The following DPP10 variants were observed in gnomAD, a reference collection of about 807,000 sequenced individuals.
DPP10 encodes the protein inactive dipeptidyl peptidase 10.
DPP10 carries 33 observed loss-of-function variants against 120.9 expected under a neutral mutation model. The ratio of observed to expected loss-of-function variants is 0.27; its 90% CI spans 0.21 to 0.37. The LOEUF (loss-of-function observed/expected upper bound fraction) is 0.37. Among genes scored for constraint, DPP10 ranks in the 10% least tolerant of loss-of-function variants. The probability of loss-of-function intolerance (pLI) is 1.00; values close to 1 mark genes in which losing one functional copy is unlikely to be tolerated. For missense variants in DPP10, 816 were observed against 942.8 expected, an observed-to-expected ratio of 0.87 and a Z score of 1.76; for synonymous variants, 337 against 326.1, an observed-to-expected ratio of 1.03 and a Z score of -0.36.
rs1403448256 is a variant in DPP10, at chr2:115,358,185, C to T, written c.271+14273C>T. The stretch of plus-strand genomic sequence containing the variant: ...AATGGGTTTTTCTTTTCTATCATAT[C>T]ATCAGGCTACAAATTCCCAGGCTTT... On this transcript the variant is annotated intron_variant, in intron 3 of 25. Transcript: ENST00000410059. Among the ~76,000 whole-genome samples the T allele has an allele frequency of 2.0e-5, 3 of 152,124 alleles. No homozygotes were observed. The East Asian group carries it at 5.8e-4, about 29-fold the overall frequency.
chr2:115,411,400 C>T (rs1366299473), intron 3 of DPP10, among the ~76,000 whole-genome samples: 2 of 113,340 alleles, frequency 1.8e-5, no homozygotes, highest in African/African-American at 5.3e-5. Flanking sequence ...GATGGCTGCT[C>T]AAAATTGTAG....
At chr2:115,294,619 A>G (rs1030703077) in intron 1 of DPP10, among the ~76,000 whole-genome samples, 1 of 152,110 alleles carries the variant, frequency 6.6e-6, no homozygotes. Context: ...CTAGAACAAA[A>G]TGAAAAATGA....
At chr2:115,603,150 G>GTA in intron 5 of DPP10, among the ~76,000 whole-genome samples, 1 of 149,394 alleles carries the variant, frequency 6.7e-6, no homozygotes, top group South Asian at 2.1e-4. Flanking sequence ...GTGTGTGTGT[G>GTA]TGTGTGTGTG....
chr2:115,054,138 A>G (rs1179303503), intron 1 of DPP10, among the ~76,000 whole-genome samples: 1 of 152,192 alleles, frequency 6.6e-6, no homozygotes, highest in East Asian at 1.9e-4. Context: ...ATATTATACT[A>G]AGACTTGAAT....
At chr2:115,573,023 A>C (rs1355607203) in intron 5 of DPP10, among the ~76,000 whole-genome samples, 1 of 152,176 alleles carries the variant, frequency 6.6e-6, no homozygotes, top group Non-Finnish European at 1.5e-5. Context: ...GAAAAGGAAC[A>C]AACTCCAAAC....
chr2:114,650,313 A>G (rs1408369560), intron 1 of DPP10, among the ~76,000 whole-genome samples: 1 of 152,178 alleles, frequency 6.6e-6, no homozygotes, highest in Non-Finnish European at 1.5e-5. Context: ...AAGGGCAGGG[A>G]TGCCTGTTTT....
intron 1 of DPP10, among the ~76,000 whole-genome samples, chr2:114,815,667 G>A (rs749980469): frequency 5.3e-5 from 8 of 152,108 alleles, no homozygotes; most frequent in African/African-American, 1.4e-4. Flanking sequence ...CGTAGAAGAC[G>A]CATTCAGGGA....
intron 1 of DPP10, among the ~76,000 whole-genome samples, chr2:114,614,690 A>T (rs1472124521): frequency 6.6e-6 from 1 of 152,140 alleles, no homozygotes; most frequent in African/African-American, 2.4e-5. Context: ...ATACTCCGGG[A>T]AGTTCCAATA....
intron 3 of DPP10, among the ~76,000 whole-genome samples, chr2:115,356,880 C>T (rs560641178): frequency 6.6e-6 from 1 of 152,142 alleles, no homozygotes; most frequent in African/African-American, 2.4e-5. Flanking sequence ...TGGGTATATA[C>T]CAAGTAATGG....
chr2:114,682,754 ATCTATCTATCTGTCTG>A (rs1309699594), intron 1 of DPP10, among the ~76,000 whole-genome samples: 4 of 144,866 alleles, frequency 2.8e-5, no homozygotes, highest in Non-Finnish European at 4.5e-5. Flanking sequence ...ATATCTATCT[ATCTATCTATCTGTCTG>A]TCTATCTATC....
At chr2:115,616,760 G>A (rs2084535332) in intron 5 of DPP10, among the ~76,000 whole-genome samples, 1 of 151,862 alleles carries the variant, frequency 6.6e-6, no homozygotes, top group East Asian at 1.9e-4. Flanking sequence ...TTCCTTTAGA[G>A]GTGTCTCTTT....
chr2:114,934,240 C>T (rs566921922), intron 1 of DPP10, among the ~76,000 whole-genome samples: 1 of 152,246 alleles, frequency 6.6e-6, no homozygotes, highest in African/African-American at 2.4e-5. Context: ...CCAAGTATAA[C>T]TTTTGACTCC....
chr2:115,772,844 G>T (rs1016093390), intron 13 of DPP10, among the ~76,000 whole-genome samples: 22 of 152,156 alleles, frequency 1.4e-4, no homozygotes, highest in Non-Finnish European at 1.0e-4. Flanking sequence ...AATTTTCATT[G>T]TGTTCAGTCG....
intron 1 of DPP10, among the ~76,000 whole-genome samples, chr2:114,966,452 C>T (rs1699039313): frequency 6.6e-6 from 1 of 152,110 alleles, no homozygotes; most frequent in Non-Finnish European, 1.5e-5. Flanking sequence ...CTTGTTTCCT[C>T]TCTCACCATG....
rs193028345 is a variant in DPP10, at chr2:114,692,167, G to A, written c.60+249329G>A. 7.2e-5 allele frequency among the ~76,000 whole-genome samples: 11 copies of A among 152,022 alleles called. No homozygotes were observed. In the East Asian group the frequency reaches 1.9e-3, roughly 27 times the overall value. Reference sequence around the variant, plus strand: ...TCTTGCTTCTCTAGTTCTTTTAGTCGAGATGTTAGGTTGTTAACTTGAGAT... The same window carrying A: ...TCTTGCTTCTCTAGTTCTTTTAGTCAAGATGTTAGGTTGTTAACTTGAGAT... On this transcript the variant is annotated intron_variant, in intron 1 of 25. Coordinates refer to ENST00000410059, the MANE Select transcript of DPP10 (RefSeq NM_020868.6).
At chr2:115,673,580 C>T (rs1171289567) in intron 5 of DPP10, among the ~76,000 whole-genome samples, 1 of 152,142 alleles carries the variant, frequency 6.6e-6, no homozygotes, top group Admixed American at 6.5e-5. Flanking sequence ...CGTGTGTCAG[C>T]CACTAGTTGT....
chr2:114,505,216 A>G (rs1293710592), intron 1 of DPP10, among the ~76,000 whole-genome samples: 2 of 150,150 alleles, frequency 1.3e-5, no homozygotes, highest in East Asian at 1.9e-4. Flanking sequence ...TAGCTTATAT[A>G]CCTTTTAGAC....
intron 1 of DPP10, among the ~76,000 whole-genome samples, chr2:115,210,370 A>G (rs915057617): frequency 2.0e-5 from 3 of 152,184 alleles, no homozygotes; most frequent in Non-Finnish European, 2.9e-5. Context: ...TTATGGGTGC[A>G]TAGTATTCCA....
chr2:114,994,347 T>C lies in DPP10; in HGVS notation c.61-314892T>C, dbSNP rs558823580. ...CCTAGAATTAGATCAGATACATAGATGATAGGTAGGTAGATAGATAAATTT... is the reference window on the plus strand; with the variant it reads ...CCTAGAATTAGATCAGATACATAGACGATAGGTAGGTAGATAGATAAATTT... On this transcript the variant is annotated intron_variant, in intron 1 of 25. Coordinates refer to ENST00000410059, the MANE Select transcript of DPP10 (RefSeq NM_020868.6). Among the ~76,000 whole-genome samples the C allele has an allele frequency of 9.9e-5, 15 of 152,284 alleles. No homozygotes were observed. The South Asian group carries it at 3.1e-3, about 32-fold the overall frequency.
Sources: allele counts gnomAD v4.1 joint callset (sites outside exome capture counted in the v4.1 genomes callset), GRCh38; gene constraint gnomAD v4.1.1; transcripts MANE v1.5; gene names NCBI Gene and HGNC (gene_info 2026-07-23, HGNC 2026-07-21).